Variants in TEX11 observed in about 807,000 individuals in gnomAD.
TEX11 encodes the protein testis expressed 11.
Under a neutral mutation model 84.4 loss-of-function variants are expected in TEX11, and 7 were observed. The ratio of observed to expected loss-of-function variants is 0.08; its 90% CI spans 0.05 to 0.16. TEX11 has a LOEUF of 0.16. Ranked by LOEUF, TEX11 falls within the 10% of genes least tolerant of loss-of-function variation. TEX11 has a pLI of 1.00. For synonymous variants in TEX11, 264 were observed against 222.8 expected (o/e 1.18, Z -1.64); for missense variants, 551 against 660.5 (o/e 0.83, Z 1.82).
intron 2 of TEX11, chrX:70,897,691 GAAAGAAAGAAAGAAAGAA>G (rs1569463203): frequency 1.7e-5 from 1 of 60,092 alleles, no homozygotes; most frequent in Non-Finnish European, 3.5e-5. Flanking sequence ...AAGAAAGAAA[GAAAGAAAGAAAGAAAGAA>G]AGAAAGAAAG....
chrX:70,579,520 A>AAAC (rs1392536909), intron 25 of TEX11, among the ~76,000 whole-genome samples: 11 of 10,292 alleles, frequency 1.1e-3, no homozygotes, highest in African/African-American at 2.9e-3. Flanking sequence ...CAAAAAAAAC[A>AAAC]AAAAAAAAAA....
Position 70,646,295 on chromosome X carries a change from A to G in TEX11, c.1483+5155T>C, listed in dbSNP as rs950692968. On this transcript the variant is annotated intron_variant, in intron 17 of 29. Transcript: ENST00000374333. ...CAAAATAGATTAAAGATTTAAACGT[A>G]AGACATGAAACTGTAGAACTACTAA... Among the ~76,000 whole-genome samples the G allele has an allele frequency of 7.1e-5, 8 of 112,287 alleles. No homozygotes were observed. The Admixed American group carries it at 7.6e-4, about 11-fold the overall frequency.
intron 29 of TEX11, 42 bp from the exon 30 acceptor site, chrX:70,529,229 G>C: frequency 1.9e-6 from 2 of 1,069,312 alleles, no homozygotes; most frequent in Non-Finnish European, 2.6e-6. Flanking sequence ...AGGGGAAAAA[G>C]AAATGTGGGA....
At chrX:70,800,687 CTTTTT>C (rs60458912) in intron 9 of TEX11, among the ~76,000 whole-genome samples, 1 of 62,311 alleles carries the variant, frequency 1.6e-5, no homozygotes, top group Non-Finnish European at 3.2e-5. Flanking sequence ...ATTTCATGTG[CTTTTT>C]TTTTTTTTTT....
At chrX:70,562,915 T>C (rs2088395536) in intron 25 of TEX11, among the ~76,000 whole-genome samples, 1 of 112,483 alleles carries the variant, frequency 8.9e-6, no homozygotes, top group South Asian at 3.7e-4. Flanking sequence ...AATGGAATCA[T>C]AGCCTTTTGG....
chrX:70,714,997 A>G (rs1240093196), intron 13 of TEX11, among the ~76,000 whole-genome samples: 5 of 111,394 alleles, frequency 4.5e-5, no homozygotes, highest in East Asian at 2.8e-4. Context: ...GGTGGTGACA[A>G]AATCTCTCAG....
chrX:70,817,252 T>C (rs5936996), intron 8 of TEX11, among the ~76,000 whole-genome samples: 41,099 of 94,616 alleles, frequency 0.43, 7,702 homozygotes, highest in Non-Finnish European at 0.53. Flanking sequence ...CACATATATA[T>C]ATACACACAC....
chrX:70,529,006 G>T lies in TEX11; in HGVS notation c.*89C>A. 1 of 698,239 alleles carries T rather than the reference G, an allele frequency of 1.4e-6. No homozygotes were observed. The highest frequency in any genetic ancestry group is 3.3e-5 in the East Asian group (1 of 30,125). The allele number at this position is 698,239 out of a possible 1,213,427, so 57.5% of individuals were successfully genotyped here. A position where few individuals can be genotyped will look rare whatever the true frequency, so the allele number is the denominator to read the frequency against. On this transcript the variant is annotated 3_prime_UTR_variant, in exon 30 of 30. Transcript: ENST00000374333. ...CATGAAAACAGGGTCTGAGCAAACAGAAACAAAAGCTCAAGAGAAACTCTG... is the reference window on the plus strand; with the variant it reads ...CATGAAAACAGGGTCTGAGCAAACATAAACAAAAGCTCAAGAGAAACTCTG...
chrX:70,641,662 A>T (rs1469130836), intron 17 of TEX11, among the ~76,000 whole-genome samples: 1 of 111,629 alleles, frequency 9.0e-6, no homozygotes, highest in African/African-American at 3.3e-5. Context: ...CTGCTCCTCA[A>T]TGACTGCTGG....
chrX:70,600,289 C>T (rs1258609093), intron 24 of TEX11, among the ~76,000 whole-genome samples: 3 of 111,623 alleles, frequency 2.7e-5, no homozygotes, highest in African/African-American at 9.8e-5. Context: ...AACATTTTTT[C>T]GTGTGTTTTT....
intron 13 of TEX11, among the ~76,000 whole-genome samples, chrX:70,707,336 T>C (rs2090385668): frequency 9.2e-6 from 1 of 108,873 alleles, no homozygotes; most frequent in Non-Finnish European, 1.9e-5. Context: ...GTAAATTCTT[T>C]GCAAGTGGTG....
intron 16 of TEX11, among the ~76,000 whole-genome samples, chrX:70,668,391 T>A (rs748705074): frequency 8.9e-6 from 1 of 112,206 alleles, no homozygotes; most frequent in Non-Finnish European, 1.9e-5. Flanking sequence ...ATATGATGGA[T>A]TGTGTATTTT....
At chrX:70,632,388 G>T (rs1337184433) in intron 17 of TEX11, among the ~76,000 whole-genome samples, 1 of 110,873 alleles carries the variant, frequency 9.0e-6, no homozygotes, top group Admixed American at 9.6e-5. Flanking sequence ...TAGGAGGATC[G>T]TTTGAGCCCA....
intron 7 of TEX11, among the ~76,000 whole-genome samples, chrX:70,836,925 G>C (rs1000201440): frequency 3.6e-5 from 4 of 111,344 alleles, no homozygotes; most frequent in South Asian, 3.8e-4. Flanking sequence ...GCTGAGGCAG[G>C]AGAATCACTT....
chrX:70,803,996 T>TG (rs1472740738), intron 9 of TEX11, among the ~76,000 whole-genome samples: 1 of 112,086 alleles, frequency 8.9e-6, no homozygotes. Flanking sequence ...AACAATGTTT[T>TG]TTTTTTTTAA....
the TEX11 span, among the ~76,000 whole-genome samples, chrX:70,514,551 T>G: frequency 2.0e-5 from 2 of 102,040 alleles, no homozygotes; most frequent in Non-Finnish European, 3.9e-5. Flanking sequence ...GCTGAGATCA[T>G]GCCACTACAC....
chrX:70,564,006 A>T (rs2088415478), intron 25 of TEX11, among the ~76,000 whole-genome samples: 1 of 112,241 alleles, frequency 8.9e-6, no homozygotes, highest in African/African-American at 3.2e-5. Flanking sequence ...AGGCGGGCGG[A>T]TCACCTGAGG....
intron 3 of TEX11, among the ~76,000 whole-genome samples, chrX:70,873,948 T>G (rs4844273): frequency 0.2 from 22,417 of 110,974 alleles, 3,118 homozygotes; most frequent in African/African-American, 0.45. Flanking sequence ...CAATGTTGGA[T>G]GTGGGGCTGA....
intron 9 of TEX11, among the ~76,000 whole-genome samples, chrX:70,750,784 G>A (rs1282085669): frequency 4.0e-5 from 4 of 101,233 alleles, no homozygotes; most frequent in Admixed American, 1.1e-4. Flanking sequence ...GGTGGGGGTA[G>A]GGGGGAGGGA....
Sources: allele counts gnomAD v4.1 joint callset (sites outside exome capture counted in the v4.1 genomes callset), GRCh38; gene constraint gnomAD v4.1.1; transcripts MANE v1.5; gene names NCBI Gene and HGNC (gene_info 2026-07-23, HGNC 2026-07-21).